Variants in ALCAM observed in about 807,000 individuals in gnomAD.
ALCAM encodes CD166 antigen.
A neutral mutation model predicts 70.9 loss-of-function variants in ALCAM; 30 were observed. The ratio of observed to expected loss-of-function variants is 0.42; its 90% CI spans 0.32 to 0.57. The LOEUF (loss-of-function observed/expected upper bound fraction) is 0.57, where lower values mean the gene tolerates loss of function less well. Among genes scored for constraint, ALCAM ranks in the 20% least tolerant of loss-of-function variants. The pLI, the probability that ALCAM is intolerant of heterozygous loss-of-function variation, is 0.11. For synonymous variants in ALCAM, 249 were observed against 242.5 expected, an observed-to-expected ratio of 1.03 and a Z score of -0.25; for missense variants, 591 against 695.1, an observed-to-expected ratio of 0.85 and a Z score of 1.68.
intron 1 of ALCAM, among the ~76,000 whole-genome samples, chr3:105,397,906 A>C (rs573269775): frequency 3.9e-5 from 6 of 152,214 alleles, no homozygotes; most frequent in Admixed American, 2.6e-4. Context: ...TAATTAATTC[A>C]ACAAATATTT....
At chr3:105,448,797 A>C (rs1320391988) in intron 1 of ALCAM, among the ~76,000 whole-genome samples, 5 of 152,208 alleles carry the variant, frequency 3.3e-5, no homozygotes, top group Non-Finnish European at 7.3e-5. Flanking sequence ...CAAGAGGGTG[A>C]CAGACATCTT....
chr3:105,369,322 C>T (rs1935162833), intron 1 of ALCAM, among the ~76,000 whole-genome samples: 1 of 152,166 alleles, frequency 6.6e-6, no homozygotes, highest in South Asian at 2.1e-4. Flanking sequence ...ACCTCCTTCA[C>T]GGTGGTTCTT....
At chr3:105,522,305 A>G (rs571332143) in intron 2 of ALCAM, among the ~76,000 whole-genome samples, 3 of 152,294 alleles carry the variant, frequency 2.0e-5, no homozygotes, top group African/African-American at 7.2e-5. Flanking sequence ...AAATCAAACA[A>G]TAATGGCAAT....
intron 11 of ALCAM, among the ~76,000 whole-genome samples, chr3:105,548,913 T>G (rs1940318480): frequency 6.6e-6 from 1 of 151,438 alleles, no homozygotes. Context: ...AAAAAGAACC[T>G]TTAGGTACTG....
At chr3:105,538,723 GC>G (rs568169521) in intron 6 of ALCAM, among the ~76,000 whole-genome samples, 93 of 152,082 alleles carry the variant, frequency 6.1e-4, no homozygotes, top group Non-Finnish European at 1.3e-3. Context: ...GGTCAGCAGG[GC>G]ACCAAAACCA....
At chr3:105,451,216 T>C (rs1380957922) in intron 1 of ALCAM, among the ~76,000 whole-genome samples, 2 of 146,610 alleles carry the variant, frequency 1.4e-5, no homozygotes. Context: ...CTGGACAATA[T>C]ATCAAGACCC....
At chr3:105,382,767 G>T (rs1559771859) in intron 1 of ALCAM, among the ~76,000 whole-genome samples, 1 of 151,832 alleles carries the variant, frequency 6.6e-6, no homozygotes, top group Non-Finnish European at 1.5e-5. Flanking sequence ...CATATCCTTT[G>T]CCCACTTTTT....
At chr3:105,572,460 C>T (rs963647951) in intron 15 of ALCAM, among the ~76,000 whole-genome samples, 6 of 152,170 alleles carry the variant, frequency 3.9e-5, no homozygotes, top group African/African-American at 1.4e-4. Flanking sequence ...ATGTGTGCCA[C>T]ATTTTCTTAA....
In ALCAM at chr3:105,539,638, T is replaced by G. The variant is rs541736952; in HGVS notation, c.731-337T>G. Among the ~76,000 whole-genome samples, 4 of 152,190 alleles carry G rather than the reference T, an allele frequency of 2.6e-5. No homozygotes were observed. In the South Asian group the frequency reaches 8.3e-4, roughly 31 times the overall value. Reference sequence around the variant, plus strand: ...TCCAAACTATAAGATTCATATAATATATAATTAAATTTCCCTATCATAAAG... The same window carrying G: ...TCCAAACTATAAGATTCATATAATAGATAATTAAATTTCCCTATCATAAAG... On this transcript the variant is annotated intron_variant, in intron 6 of 15. Transcript: ENST00000306107.
intron 1 of ALCAM, among the ~76,000 whole-genome samples, chr3:105,427,358 A>C (rs538222610): frequency 6.6e-6 from 1 of 152,034 alleles, no homozygotes; most frequent in South Asian, 2.1e-4. Context: ...GTAGAGAAGA[A>C]GGGAAGAAGA....
At chr3:105,571,406 A>G (rs1270711126) in intron 14 of ALCAM, among the ~76,000 whole-genome samples, 1 of 152,028 alleles carries the variant, frequency 6.6e-6, no homozygotes, top group African/African-American at 2.4e-5. Context: ...ATTCATAAAG[A>G]TAGACATAGG....
intron 1 of ALCAM, among the ~76,000 whole-genome samples, chr3:105,425,637 T>C (rs1436919243): frequency 6.6e-6 from 1 of 151,864 alleles, no homozygotes; most frequent in Non-Finnish European, 1.5e-5. Flanking sequence ...ACTGTAAGCT[T>C]ATGTTTTAAA....
At chr3:105,430,919 CTATTTTGT>C (rs1936914183) in intron 1 of ALCAM, among the ~76,000 whole-genome samples, 1 of 152,052 alleles carries the variant, frequency 6.6e-6, no homozygotes, top group Non-Finnish European at 1.5e-5. Context: ...CATTACTACT[CTATTTTGT>C]TGCTCAAATA....
intron 1 of ALCAM, among the ~76,000 whole-genome samples, chr3:105,509,801 T>C (rs957735025): frequency 1.3e-5 from 2 of 152,110 alleles, no homozygotes; most frequent in African/African-American, 4.8e-5. Context: ...TATTGCCAAG[T>C]CCAATGTCAA....
At chr3:105,446,919 A>G (rs1937314064) in intron 1 of ALCAM, among the ~76,000 whole-genome samples, 1 of 152,162 alleles carries the variant, frequency 6.6e-6, no homozygotes, top group African/African-American at 2.4e-5. Context: ...TTAGATAGGA[A>G]GAATAGGTTC....
chr3:105,552,781 C>G, intron 14 of ALCAM, 196 bp downstream of exon 14: 1 of 1,396,410 alleles, frequency 7.2e-7, no homozygotes, highest in Non-Finnish European at 9.3e-7. Context: ...GCTTGGGATA[C>G]TGTTTCACAT....
intron 14 of ALCAM, among the ~76,000 whole-genome samples, chr3:105,566,851 A>AT (rs1252221063): frequency 6.6e-6 from 1 of 152,034 alleles, no homozygotes; most frequent in Non-Finnish European, 1.5e-5. Context: ...TACAATCTGT[A>AT]TTTTTTTATT....
chr3:105,393,377 C>T lies in ALCAM; in HGVS notation c.73+25896C>T, dbSNP rs139531843. On this transcript the variant is annotated intron_variant, in intron 1 of 15. Transcript: ENST00000306107. ...ATTCTTCAGTAGAAATAAATTTATA[C>T]ATGTTATGGCGAGCAAGTATGAGAA... Among the ~76,000 whole-genome samples the T allele has an allele frequency of 1.5e-3, 228 of 151,544 alleles. 2 individuals are homozygous for T. The highest frequency in any genetic ancestry group is 5.3e-3 in the African/African-American group (219 of 41,414).
At chr3:105,408,075 G>A (rs1413883221) in intron 1 of ALCAM, among the ~76,000 whole-genome samples, 1 of 151,918 alleles carries the variant, frequency 6.6e-6, no homozygotes. Context: ...ACAAACAAAT[G>A]AAAACACACC....
Sources: gnomAD v4.1 joint callset for allele counts (sites outside exome capture counted in the v4.1 genomes callset) on GRCh38, gnomAD v4.1.1 for gene constraint, MANE v1.5 for transcripts, NCBI Gene and HGNC (gene_info 2026-07-23, HGNC 2026-07-21) for gene names.